Variants in ACACA observed in about 807,000 individuals in gnomAD.
ACACA encodes acetyl-CoA carboxylase alpha, also known as acetyl-CoA carboxylase 1.
Under a neutral mutation model 296.1 loss-of-function variants are expected in ACACA, and 103 were observed. The observed-to-expected ratio is 0.35, with a 90% confidence interval of 0.30 to 0.41. The LOEUF (loss-of-function observed/expected upper bound fraction) is 0.41, where lower values mean the gene tolerates loss of function less well. ACACA is among the 10% of genes least tolerant of loss of function. The pLI, the probability that ACACA is intolerant of heterozygous loss-of-function variation, is 1.00. For missense variants in ACACA, 1,554 were observed against 2,989.7 expected (o/e 0.52, Z 11.20); for synonymous variants, 953 against 1,038.6 (o/e 0.92, Z 1.58).
At position 37,299,486 on chromosome 17, in the gene ACACA, A is replaced by G. The variant is rs943990909; in HGVS notation, c.339-14516T>C. On this transcript the variant is annotated intron_variant, in intron 3 of 55. Transcript: ENST00000616317. ...CTTCAGTCAGACTAGAATACTCCTG[A>G]TGGCCTCAAACTATAGTCTTTTTGT... 10 of 1,502,014 alleles carry G rather than the reference A, an allele frequency of 6.7e-6. No individual in the cohort carries two copies. The African/African-American group carries it at 1.3e-4, about 19-fold the overall frequency. 93.0% of individuals were successfully genotyped at this position (1,502,014 alleles called of 1,614,324 possible).
At chr17:37,240,354 A>G (rs1262146427) in intron 24 of ACACA, 122 bp downstream of exon 24, 4 of 790,984 alleles carry the variant, frequency 5.1e-6, no homozygotes, top group Non-Finnish European at 8.6e-6. Context: ...GAGACTGTTT[A>G]TTAATGGGAA....
intron 54 of ACACA, among the ~76,000 whole-genome samples, chr17:37,096,261 G>A (rs917114003): frequency 5.9e-5 from 9 of 152,110 alleles, no homozygotes; most frequent in African/African-American, 2.2e-4. Context: ...CAGGCCTCAG[G>A]ACAAAGTCCA....
intron 42 of ACACA, among the ~76,000 whole-genome samples, chr17:37,160,586 T>C (rs893389730): frequency 6.6e-5 from 10 of 152,126 alleles, no homozygotes; most frequent in Non-Finnish European, 1.3e-4. Flanking sequence ...ACTGTTTTTT[T>C]CTCCATCAAA....
chr17:37,157,709 T>C (rs180980286), intron 42 of ACACA, among the ~76,000 whole-genome samples: 109 of 152,116 alleles, frequency 7.2e-4, no homozygotes, highest in African/African-American at 2.6e-3. Context: ...CTAATTTTTA[T>C]ATTTTTAGTA....
rs1053461407 is a variant in ACACA at position 37,406,570 on chromosome 17, G to A, written c.-271C>T. ...GGAACGTTATCCCCAAACCCAGGCA[G>A]TCCCGGCTCGGCCCGCCTCACCGCA... On this transcript the variant is annotated 5_prime_UTR_variant, in exon 1 of 56. Transcript: ENST00000616317. The A allele has an allele frequency of 5.1e-6, 3 of 583,742 alleles. No homozygotes were observed. The highest frequency in any genetic ancestry group is 9.2e-6 in the Non-Finnish European group (3 of 327,384). 36.2% of individuals were successfully genotyped at this position (583,742 alleles called of 1,614,324 possible).
chr17:37,202,264 A>T (rs771305993), intron 33 of ACACA, among the ~76,000 whole-genome samples: 3 of 152,220 alleles, frequency 2.0e-5, no homozygotes, highest in Admixed American at 6.5e-5. Context: ...TTTAAAATCA[A>T]AATTGTTATT....
At chr17:37,337,052 G>A (rs2048152456) in intron 2 of ACACA, among the ~76,000 whole-genome samples, 1 of 152,078 alleles carries the variant, frequency 6.6e-6, no homozygotes, top group Non-Finnish European at 1.5e-5. Flanking sequence ...CAAATTTCTT[G>A]GGCCCTTCCC....
chr17:37,136,369 C>T (rs2075333891), intron 45 of ACACA, among the ~76,000 whole-genome samples: 1 of 152,202 alleles, frequency 6.6e-6, no homozygotes, highest in Non-Finnish European at 1.5e-5. Context: ...CTCATTCATG[C>T]TGATGCAGGT....
rs992138929 is a variant in ACACA, at chr17:37,156,658, T to C, written c.5350-878A>G. On this transcript the variant is annotated intron_variant, in intron 42 of 55. Transcript: ENST00000616317. Reference sequence around the variant, plus strand: ...TTACATGTAAACAATTATACTAACATTTCATAATTGATTTATATGTATCTA... The same window carrying C: ...TTACATGTAAACAATTATACTAACACTTCATAATTGATTTATATGTATCTA... Among the ~76,000 whole-genome samples, 8 of 152,348 alleles carry C rather than the reference T, an allele frequency of 5.3e-5. No individual in the cohort carries two copies. The East Asian group carries it at 1.2e-3, about 22-fold the overall frequency.
intron 50 of ACACA, among the ~76,000 whole-genome samples, chr17:37,117,355 G>T (rs1472654807): frequency 6.6e-6 from 1 of 152,140 alleles, no homozygotes; most frequent in Non-Finnish European, 1.5e-5. Flanking sequence ...TTTCATTCCA[G>T]TTAAAGTTTT....
chr17:37,266,235 G>T (rs1421946699), intron 10 of ACACA, among the ~76,000 whole-genome samples: 1 of 151,970 alleles, frequency 6.6e-6, no homozygotes, highest in East Asian at 1.9e-4. Context: ...GCAACATGGT[G>T]AAACCTCATC....
intron 1 of ACACA, among the ~76,000 whole-genome samples, chr17:37,391,302 C>T (rs184624830): frequency 2.0e-5 from 3 of 152,256 alleles, no homozygotes; most frequent in African/African-American, 7.2e-5. Context: ...TACAGAAATC[C>T]TGGAAAGTAG....
At chr17:37,105,712 A>G (rs532874014) in intron 52 of ACACA, among the ~76,000 whole-genome samples, 1 of 151,732 alleles carries the variant, frequency 6.6e-6, no homozygotes, top group East Asian at 2.0e-4. Context: ...TAAAAATACA[A>G]AATTAGTCGG....
intron 29 of ACACA, among the ~76,000 whole-genome samples, chr17:37,212,001 G>A (rs2078768545): frequency 6.6e-6 from 1 of 152,246 alleles, no homozygotes; most frequent in East Asian, 1.9e-4. Context: ...GGGAGGTACA[G>A]CTGAACAGAA....
intron 27 of ACACA, among the ~76,000 whole-genome samples, chr17:37,224,234 T>A (rs530261547): frequency 6.6e-6 from 1 of 152,206 alleles, no homozygotes; most frequent in East Asian, 1.9e-4. Context: ...ATTGTCTCAA[T>A]ACTCCACTAT....
intron 29 of ACACA, among the ~76,000 whole-genome samples, chr17:37,210,969 C>T (rs772900154): frequency 1.9e-4 from 29 of 152,032 alleles, no homozygotes; most frequent in Admixed American, 3.3e-4. Flanking sequence ...CTACTTTAAT[C>T]GCTTATCCAG....
chr17:37,150,450 G>A (rs2075989944), intron 44 of ACACA, among the ~76,000 whole-genome samples: 1 of 151,892 alleles, frequency 6.6e-6, no homozygotes, highest in Non-Finnish European at 1.5e-5. Flanking sequence ...GCCAAGGCAG[G>A]AAAACCACTT....
chr17:37,330,477 T>A (rs745817926), intron 2 of ACACA, 52 bp from the exon 3 acceptor site: 2 of 1,607,916 alleles, frequency 1.2e-6, no homozygotes, highest in Non-Finnish European at 1.7e-6. Context: ...ATAATCTATA[T>A]CTGAGGTCAG....
intron 41 of ACACA, among the ~76,000 whole-genome samples, chr17:37,163,909 T>C (rs1000853013): frequency 2.6e-5 from 4 of 152,202 alleles, no homozygotes; most frequent in Admixed American, 2.6e-4. Flanking sequence ...ATATGAGAAC[T>C]AGTCAATCCT....
Sources: allele counts gnomAD v4.1 joint callset (sites outside exome capture counted in the v4.1 genomes callset), GRCh38; gene constraint gnomAD v4.1.1; transcripts MANE v1.5; gene names NCBI Gene and HGNC (gene_info 2026-07-23, HGNC 2026-07-21).